The following MAPKBP1 variants were observed in gnomAD, a reference collection of about 807,000 sequenced individuals.
MAPKBP1 encodes the protein mitogen-activated protein kinase binding protein 1.
A neutral mutation model predicts 170.5 loss-of-function variants in MAPKBP1; 71 were observed. The observed-to-expected ratio is 0.42, with a 90% CI of 0.34 to 0.51. The LOEUF (loss-of-function observed/expected upper bound fraction) is 0.51, where lower values mean the gene tolerates loss of function less well. MAPKBP1 is among the 20% of genes least tolerant of loss of function. The pLI, the probability that MAPKBP1 is intolerant of heterozygous loss-of-function variation, is 0.06. For synonymous variants in MAPKBP1, 719 were observed against 757.9 expected, an observed-to-expected ratio of 0.95 and a Z score of 0.84; for missense variants, 1,598 against 1,933.0, an observed-to-expected ratio of 0.83 and a Z score of 3.25.
intron 2 of MAPKBP1, among the ~76,000 whole-genome samples, chr15:41,786,777 A>AATATATATATATATATATATATATAT (rs1180590172): frequency 9.3e-5 from 3 of 32,392 alleles, no homozygotes; most frequent in African/African-American, 2.6e-4. Flanking sequence ...AAAAAAAAAA[A>AATATATATATATATATATATATATAT]ATATATATAT....
Position 41,821,621 on chromosome 15 carries a change from G to T in MAPKBP1, c.2756G>T (p.Cys919Phe). Reference sequence around the variant, plus strand: ...CCTCGGCCTCAGGCTTCCCAACCTTGTTCCTATCCCCATATTATCCGATTA... The same window carrying T: ...CCTCGGCCTCAGGCTTCCCAACCTTTTTCCTATCCCCATATTATCCGATTA... ...KPPRPQASQP[C>F]SYPHIIRLLS... The change falls in exon 24 of 31, where the codon TGT (cysteine) becomes TTT (phenylalanine). Residue 919 changes from cysteine (C) to phenylalanine (F), a missense_variant. Cys to Phe is a radical substitution (Grantham distance 205). This residue lies in a region of MAPKBP1 where 942 missense variants were observed against 953.2 expected (regional missense o/e 0.99). Coordinates refer to ENST00000457542, the MANE Select transcript of MAPKBP1 (RefSeq NM_014994.3). The T allele has an allele frequency of 6.2e-7, 1 of 1,613,902 alleles. No individual in the cohort carries two copies. Among genetic ancestry groups the T allele is most frequent in the Admixed American group, 1.7e-5 (1 of 59,996 alleles).
Position 41,817,114 on chromosome 15 carries a change from C to T in MAPKBP1, c.1711+79C>T. 6.6e-7 allele frequency: 1 copy of T among 1,525,112 alleles called. No individual in the cohort carries two copies. The allele number at this position is 1,525,112 out of a possible 1,614,324, so 94.5% of individuals were successfully genotyped here. A position where few individuals can be genotyped will look rare whatever the true frequency, so the allele number is the denominator to read the frequency against. On this transcript the variant is annotated intron_variant, in intron 14 of 30. Transcript: ENST00000457542. The surrounding 1 kb of genome is among the most constrained non-coding windows in gnomAD (Gnocchi z 4.2). ...TGCCTCCCACCTCCATGAGAAGGGT[C>T]TGCCCATTGTGGGGGAGTGTTGGAC...
chr15:41,819,548 G>GGGGGGC, intron 21 of MAPKBP1, 47 bp from the exon 22 acceptor site: 3 of 993,414 alleles, frequency 3.0e-6, no homozygotes, highest in South Asian at 1.7e-5. Context: ...GTTGGGTGGC[G>GGGGGGC]GGGGGGGGGC....
In MAPKBP1 at chr15:41,817,643, A is replaced by C. The variant is rs144007199; in HGVS notation, c.1812A>C (p.Thr604=). The C allele has an allele frequency of 6.2e-7, 1 of 1,614,064 alleles. No individual in the cohort carries two copies. The highest frequency in any genetic ancestry group is 1.3e-5 in the African/African-American group (1 of 74,912). The stretch of plus-strand genomic sequence containing the variant: ...GAGATGGAGTGCAGTTCACACGGAC[A>C]CACCACGTGGTGCGGAAGACGACCC... ...KSGDGVQFTR[T]HHVVRKTTLY... The change falls in exon 16 of 31, where the codon ACA becomes ACC. Residue 604 remains threonine, a synonymous_variant. Transcript: ENST00000457542. This position sits in a 1 kb window ranked among gnomAD's most constrained non-coding sequence, Gnocchi z 4.2.
intron 2 of MAPKBP1, among the ~76,000 whole-genome samples, chr15:41,787,868 A>G (rs900340551): frequency 1.3e-5 from 2 of 152,158 alleles, no homozygotes; most frequent in Admixed American, 1.3e-4. Context: ...GCATTGATAA[A>G]TAGTTGAAGA....
At chr15:41,811,931 C>A (rs1226545658) in intron 5 of MAPKBP1, 26 bp from the exon 6 acceptor site, 1 of 1,612,060 alleles carries the variant, frequency 6.2e-7, no homozygotes, top group East Asian at 2.2e-5. Context: ...GTCAAGAACT[C>A]ACTTCCAGTT....
chr15:41,795,088 C>T (rs1327013495), intron 2 of MAPKBP1, among the ~76,000 whole-genome samples: 1 of 149,442 alleles, frequency 6.7e-6, no homozygotes, highest in Non-Finnish European at 1.5e-5. Context: ...TTGCTTTAAC[C>T]TGGGAGGCAG....
In MAPKBP1 at chr15:41,816,913, T is replaced by C; in HGVS notation, c.1589T>C (p.Leu530Pro). 2 of 1,606,164 alleles carry C rather than the reference T, an allele frequency of 1.2e-6. No individual in the cohort carries two copies. The highest frequency in any genetic ancestry group is 1.3e-5 in the African/African-American group (1 of 74,940). ...GATGGAGTTCTTTCATCCCCAGGTC[T>C]GAAACTGCTAGCATCGGCGAGCCGG... Reference protein sequence around the residue: ...CLEYSKPDTGLKLLASASRDR... With the variant: ...CLEYSKPDTGPKLLASASRDR... Residue 530 changes from leucine to proline, a missense_variant, in exon 14 of 31, where the codon CTG becomes CCG. Coordinates refer to ENST00000457542, the MANE Select transcript of MAPKBP1 (RefSeq NM_014994.3).
chr15:41,825,585 G>C lies in MAPKBP1; in HGVS notation c.*149G>C, dbSNP rs3743028. The stretch of plus-strand genomic sequence containing the variant: ...AGCAGCCTTCCCAGCCGCTCCTCGT[G>C]GGGGGCCTGTATTTATTAATTTATT... On this transcript the variant is annotated 3_prime_UTR_variant, in exon 31 of 31. Transcript: ENST00000457542. The C allele has an allele frequency of 0.059, 36,432 of 617,822 alleles. 1,270 individuals are homozygous for C. The highest frequency in any genetic ancestry group is 0.11 in the East Asian group (3,470 of 32,984). The allele number at this position is 617,822 out of a possible 1,614,324, so 38.3% of individuals were successfully genotyped here.
chr15:41,820,772 A>G, intron 22 of MAPKBP1, 60 bp from the exon 23 acceptor site: 3 of 1,250,392 alleles, frequency 2.4e-6, no homozygotes, highest in Non-Finnish European at 3.5e-6. Context: ...ATATGTGGAT[A>G]TTTGTTGATC....
intron 2 of MAPKBP1, among the ~76,000 whole-genome samples, chr15:41,786,581 G>A (rs904893950): frequency 2.7e-5 from 4 of 150,936 alleles, no homozygotes; most frequent in East Asian, 3.9e-4. Flanking sequence ...TGGCTAACAC[G>A]GTGAAACCCC....
chr15:41,786,424 G>C (rs559705857), intron 2 of MAPKBP1, among the ~76,000 whole-genome samples: 1 of 151,938 alleles, frequency 6.6e-6, no homozygotes, highest in African/African-American at 2.4e-5. Flanking sequence ...TTTAAAATCC[G>C]TATGCTCATT....
intron 4 of MAPKBP1, 46 bp downstream of exon 4, chr15:41,810,991 A>G (rs778546981): frequency 4.5e-5 from 72 of 1,603,886 alleles, no homozygotes; most frequent in Non-Finnish European, 6.1e-5. Flanking sequence ...TCTGGGAGCT[A>G]TGAGAAGGGC....
chr15:41,811,851 G>A, intron 5 of MAPKBP1, 106 bp from the exon 6 acceptor site: 1 of 1,112,404 alleles, frequency 9.0e-7, no homozygotes, highest in Non-Finnish European at 1.3e-6. Flanking sequence ...GGGAAGTGAT[G>A]GTATCTAGTA....
chr15:41,811,868 G>A, intron 5 of MAPKBP1, 89 bp from the exon 6 acceptor site: 1 of 1,351,018 alleles, frequency 7.4e-7, no homozygotes, highest in Non-Finnish European at 1.0e-6. Context: ...AGTAGCTGAG[G>A]AGGCGAGGGC....
At chr15:41,774,858 C>CCT in intron 1 of MAPKBP1, 1 of 416,584 alleles carries the variant, frequency 2.4e-6, no homozygotes, top group Non-Finnish European at 4.2e-6. Context: ...CTCCCTTGGA[C>CCT]ACTACAGTTG....
rs770458339 is a variant in MAPKBP1 at position 41,819,200 on chromosome 15, C to A, written c.2292-46C>A. On this transcript the variant is annotated intron_variant, in intron 20 of 30. Coordinates refer to ENST00000457542, the MANE Select transcript of MAPKBP1 (RefSeq NM_014994.3). ...CTTCCCCCACTGAGCCTCCTCTCCC[C>A]CTATTGAGTCTCCTCTCCCCATGCC... The A allele has an allele frequency of 1.9e-6, 3 of 1,604,688 alleles. No homozygotes were observed. In the East Asian group the frequency reaches 6.7e-5, roughly 36 times the overall value.
chr15:41,815,867 G>A, intron 12 of MAPKBP1, 68 bp downstream of exon 12: 2 of 1,507,504 alleles, frequency 1.3e-6, no homozygotes, highest in Non-Finnish European at 1.8e-6. Context: ...TAGAACTTTA[G>A]GGAGGGTTTG....
At chr15:41,782,507 A>G (rs1315462142) in intron 2 of MAPKBP1, among the ~76,000 whole-genome samples, 1 of 152,186 alleles carries the variant, frequency 6.6e-6, no homozygotes, top group African/African-American at 2.4e-5. Context: ...GTTTTACAGA[A>G]GTCTACCATA....
Sources: allele counts gnomAD v4.1 joint callset (sites outside exome capture counted in the v4.1 genomes callset), GRCh38; gene constraint gnomAD v4.1.1; regional missense constraint gnomAD v4.1.1; non-coding constraint Gnocchi (gnomAD v3.1); transcripts MANE v1.5; gene names NCBI Gene and HGNC (gene_info 2026-07-23, HGNC 2026-07-21).